Variants in SLC25A21 observed in about 807,000 individuals in gnomAD.
SLC25A21 encodes mitochondrial 2-oxodicarboxylate carrier.
A neutral mutation model predicts 43.8 loss-of-function variants in SLC25A21; 47 were observed. The ratio of observed to expected loss-of-function variants is 1.07; its 90% CI spans 0.85 to 1.37. SLC25A21 has a LOEUF of 1.37. Ranked by LOEUF, SLC25A21 falls within the 40% of genes most tolerant of loss-of-function variation. The pLI is 0.00. For synonymous variants in SLC25A21, 131 were observed against 121.3 expected (o/e 1.08, Z -0.52); for missense variants, 352 against 350.2 (o/e 1.00, Z -0.04).
chr14:37,162,912 C>A (rs1963970643), intron 1 of SLC25A21, among the ~76,000 whole-genome samples: 1 of 152,076 alleles, frequency 6.6e-6, no homozygotes, highest in African/African-American at 2.4e-5. Flanking sequence ...CAATGATAGA[C>A]TGGATTAAGA....
At chr14:37,039,963 G>A (rs2138781027) in intron 1 of SLC25A21, among the ~76,000 whole-genome samples, 1 of 152,104 alleles carries the variant, frequency 6.6e-6, no homozygotes, top group African/African-American at 2.4e-5. Flanking sequence ...GGGAGGCCTA[G>A]GCTGGTGGAT....
chr14:37,113,939 T>G (rs79777471), intron 1 of SLC25A21, among the ~76,000 whole-genome samples: 8,581 of 151,776 alleles, frequency 0.057, 824 homozygotes, highest in African/African-American at 0.2. Context: ...GCTACTAAAA[T>G]ATTGAAAGCT....
chr14:37,144,695 T>C (rs1963629157), intron 1 of SLC25A21, among the ~76,000 whole-genome samples: 4 of 152,210 alleles, frequency 2.6e-5, no homozygotes, highest in Admixed American at 2.0e-4. Context: ...AACAGAAATA[T>C]AGTTTATATT....
At chr14:36,833,294 A>G (rs1202502051) in intron 2 of SLC25A21, among the ~76,000 whole-genome samples, 1 of 152,256 alleles carries the variant, frequency 6.6e-6, no homozygotes, top group Non-Finnish European at 1.5e-5. Context: ...AATTTGAAGC[A>G]GTTCCCTTGT....
intron 2 of SLC25A21, among the ~76,000 whole-genome samples, chr14:36,853,355 C>T (rs138290843): frequency 1.3e-5 from 2 of 152,348 alleles, no homozygotes; most frequent in East Asian, 3.9e-4. Context: ...TACACTACTG[C>T]AATTTGTCAA....
chr14:36,855,650 G>T (rs1238264294), intron 2 of SLC25A21, among the ~76,000 whole-genome samples: 2 of 152,088 alleles, frequency 1.3e-5, no homozygotes, highest in Non-Finnish European at 2.9e-5. Context: ...CAGCAATCTG[G>T]GTTTTAACTA....
At chr14:36,978,952 C>T (rs986476033) in intron 1 of SLC25A21, among the ~76,000 whole-genome samples, 2 of 152,128 alleles carry the variant, frequency 1.3e-5, no homozygotes, top group African/African-American at 4.8e-5. Flanking sequence ...GCCAGACGTG[C>T]TGCCACGCAC....
intron 1 of SLC25A21, among the ~76,000 whole-genome samples, chr14:37,035,041 T>C (rs1486776193): frequency 6.6e-6 from 1 of 152,230 alleles, no homozygotes; most frequent in Non-Finnish European, 1.5e-5. Flanking sequence ...ATGCTCTGAA[T>C]CTTTGCTAGA....
At chr14:36,812,596 T>C (rs1888310063) in intron 3 of SLC25A21, among the ~76,000 whole-genome samples, 1 of 152,082 alleles carries the variant, frequency 6.6e-6, no homozygotes, top group East Asian at 1.9e-4. Context: ...CCTAAAGGTC[T>C]ACCATAGAGA....
At chr14:36,819,814 G>T (rs1044558892) in intron 2 of SLC25A21, among the ~76,000 whole-genome samples, 2 of 151,738 alleles carry the variant, frequency 1.3e-5, no homozygotes, top group African/African-American at 4.8e-5. Context: ...AAAAGTAATC[G>T]TGGTTTTGGC....
intron 1 of SLC25A21, among the ~76,000 whole-genome samples, chr14:37,002,905 C>T (rs1960519266): frequency 6.6e-6 from 1 of 152,176 alleles, no homozygotes; most frequent in African/African-American, 2.4e-5. Context: ...TAATTTAAGA[C>T]TGTCTGGCAT....
chr14:36,678,561 A>G lies in SLC25A21; in HGVS notation c.*2097T>C. 6.5e-7 allele frequency: 1 copy of G among 1,535,800 alleles called. No homozygotes were observed. Among genetic ancestry groups the G allele is most frequent in the Non-Finnish European group, 8.7e-7 (1 of 1,146,160 alleles). ...TTTTGGTGGAGACTTCTTTAAAACC[A>G]TACCATACAGGGACTCTCCTGTCAT... On this transcript the variant is annotated 3_prime_UTR_variant, in exon 10 of 10. Transcript: ENST00000331299.
chr14:37,067,048 C>T (rs1430122263), intron 1 of SLC25A21, among the ~76,000 whole-genome samples: 8 of 151,664 alleles, frequency 5.3e-5, no homozygotes, highest in Admixed American at 2.6e-4. Flanking sequence ...AATGTAAATA[C>T]GAAAGAGAGA....
At position 37,089,992 on chromosome 14, in the gene SLC25A21, A is replaced by C. The variant is rs372070443; in HGVS notation, c.70+82289T>G. ...TTAAAATGTGCAAAGAAACAGAAAC[A>C]ATGAAACTGGCAAACCCCTCTACAT... On this transcript the variant is annotated intron_variant, in intron 1 of 9. Coordinates refer to ENST00000331299, the MANE Select transcript of SLC25A21 (RefSeq NM_030631.4). 4.3e-4 allele frequency among the ~76,000 whole-genome samples: 65 copies of C among 152,324 alleles called. 1 individual carries two copies. In the East Asian group the frequency reaches 9.3e-3, roughly 22 times the overall value.
At chr14:36,749,239 G>A (rs1284066456) in intron 3 of SLC25A21, among the ~76,000 whole-genome samples, 1 of 152,132 alleles carries the variant, frequency 6.6e-6, no homozygotes, top group Non-Finnish European at 1.5e-5. Context: ...TTCGCGAATC[G>A]TTCTTTGCTC....
At chr14:36,821,127 T>C (rs1594617415) in intron 2 of SLC25A21, among the ~76,000 whole-genome samples, 1 of 152,322 alleles carries the variant, frequency 6.6e-6, no homozygotes, top group East Asian at 1.9e-4. Flanking sequence ...TTGAAATTTA[T>C]GTGTACACAC....
intron 3 of SLC25A21, among the ~76,000 whole-genome samples, chr14:36,749,163 A>G (rs8007647): frequency 0.044 from 6,672 of 152,230 alleles, 479 homozygotes; most frequent in African/African-American, 0.15. Flanking sequence ...TTTTCTGTCC[A>G]TAAATCCTCT....
chr14:37,101,360 CA>C (rs1421201507), intron 1 of SLC25A21, among the ~76,000 whole-genome samples: 28 of 152,316 alleles, frequency 1.8e-4, no homozygotes, highest in Admixed American at 1.3e-3. Flanking sequence ...ACTCCCTTTG[CA>C]AGTCAGCCTA....
rs539257151 is a variant in SLC25A21 at position 37,043,921 on chromosome 14, GTTTGT to G, written c.70+128355_70+128359del. On this transcript the variant is annotated intron_variant, in intron 1 of 9. Transcript: ENST00000331299. ...GGCTACATTTTTTGTTTTTTGTTTTGTTTGTTTTATGTTTTTTTGTTTTTTTTTTT... is the reference window on the plus strand; with the variant it reads ...GGCTACATTTTTTGTTTTTTGTTTTGTTTATGTTTTTTTGTTTTTTTTTTT... Among the ~76,000 whole-genome samples the G allele has an allele frequency of 1.7e-4, 22 of 132,120 alleles. No homozygotes were observed. In the East Asian group the frequency reaches 4.3e-3, roughly 26 times the overall value. The allele number at this position is 132,120 out of a possible 152,430, so 86.7% of individuals were successfully genotyped here.
Sources: gnomAD v4.1 joint callset for allele counts (sites outside exome capture counted in the v4.1 genomes callset) on GRCh38, gnomAD v4.1.1 for gene constraint, MANE v1.5 for transcripts, NCBI Gene and HGNC (gene_info 2026-07-23, HGNC 2026-07-21) for gene names.